Variants in RAB6A observed in about 807,000 individuals in gnomAD.
The protein encoded by RAB6A is RAB6A, member RAS oncogene family, also known as ras-related protein Rab-6A.
In RAB6A, 8 loss-of-function variants were observed where a neutral mutation model predicts 32.3. That is an observed-to-expected ratio of 0.25 (90% confidence interval 0.15 to 0.45). The LOEUF is 0.45. RAB6A is among the 20% of genes least tolerant of loss of function. The pLI is 1.00. For missense variants in RAB6A, 104 were observed against 249.4 expected (o/e 0.42, Z 3.93); for synonymous variants, 73 against 82.1 (o/e 0.89, Z 0.60).
At chr11:73,715,969 T>C (rs919452901) in intron 5 of RAB6A, among the ~76,000 whole-genome samples, 1 of 152,198 alleles carries the variant, frequency 6.6e-6, no homozygotes, top group Non-Finnish European at 1.5e-5. Flanking sequence ...TTCATACTTA[T>C]GAGATCTAAA....
chr11:73,693,834 C>A (rs551458364), intron 6 of RAB6A, among the ~76,000 whole-genome samples: 1 of 150,716 alleles, frequency 6.6e-6, no homozygotes, highest in Non-Finnish European at 1.5e-5. Flanking sequence ...GTTATGATGG[C>A]GCCATTGCAC....
intron 1 of RAB6A, among the ~76,000 whole-genome samples, chr11:73,731,067 T>C (rs1946293760): frequency 6.6e-6 from 1 of 152,222 alleles, no homozygotes; most frequent in African/African-American, 2.4e-5. Context: ...CATTCTGTTA[T>C]TATATACTGA....
At chr11:73,726,178 G>A (rs1385417556) in intron 2 of RAB6A, among the ~76,000 whole-genome samples, 5 of 151,622 alleles carry the variant, frequency 3.3e-5, no homozygotes, top group African/African-American at 7.3e-5. Flanking sequence ...CCAGCTATTC[G>A]GGAGGCTGAG....
chr11:73,676,507 A>G lies in RAB6A; in HGVS notation c.*1391T>C, dbSNP rs1297449280. ...TAAAAAAAAAAAAGGCAAAGAAATA[A>G]ATATCACCAAAGAAAAAAGATTAAT... On this transcript the variant is annotated 3_prime_UTR_variant, in exon 8 of 8. Transcript: ENST00000336083. 6.0e-6 allele frequency: 1 copy of G among 167,044 alleles called. No homozygotes were observed. The highest frequency in any genetic ancestry group is 2.4e-5 in the African/African-American group (1 of 41,448). The allele number at this position is 167,044 out of a possible 1,614,324, so 10.3% of individuals were successfully genotyped here.
intron 6 of RAB6A, among the ~76,000 whole-genome samples, chr11:73,700,985 A>G (rs1945735948): frequency 6.6e-6 from 1 of 152,228 alleles, no homozygotes; most frequent in Non-Finnish European, 1.5e-5. Context: ...AATCATGATT[A>G]GATAATAAAT....
In RAB6A at chr11:73,688,162, A is replaced by G. The variant is rs372375242; in HGVS notation, c.496-8442T>C. Among the ~76,000 whole-genome samples the G allele has an allele frequency of 2.6e-5, 4 of 152,180 alleles. No homozygotes were observed. In the South Asian group the frequency reaches 8.3e-4, roughly 32 times the overall value. ...GAGAGGAGATTCTCTGCAATTATGT[A>G]TATCTCTTATCATTCTTTGTCAAAT... On this transcript the variant is annotated intron_variant, in intron 6 of 7. Coordinates refer to ENST00000336083, the MANE Select transcript of RAB6A (RefSeq NM_198896.2).
intron 5 of RAB6A, 140 bp from the exon 6 acceptor site, chr11:73,707,653 G>T: frequency 1.7e-6 from 1 of 577,854 alleles, no homozygotes; most frequent in Non-Finnish European, 3.0e-6. Flanking sequence ...TCATTAATCT[G>T]CCACACTCTT....
chr11:73,679,575 AATATTC>A (rs1165831541), intron 7 of RAB6A, 73 bp downstream of exon 7: 2 of 1,554,236 alleles, frequency 1.3e-6, no homozygotes, highest in Admixed American at 3.4e-5. Context: ...GCAATGGCAC[AATATTC>A]TTTAGCCAAG....
intron 1 of RAB6A, chr11:73,760,071 A>G (rs1391743069): frequency 2.3e-6 from 3 of 1,289,722 alleles, no homozygotes; most frequent in Non-Finnish European, 3.0e-6. Context: ...AGCACTTCGC[A>G]GGGCCAAGCC....
intron 1 of RAB6A, among the ~76,000 whole-genome samples, chr11:73,737,928 G>A (rs1013642425): frequency 2.4e-4 from 35 of 148,322 alleles, no homozygotes; most frequent in East Asian, 8.1e-4. Flanking sequence ...CCCGGGAGGC[G>A]GAGGTTGCAG....
chr11:73,738,901 G>A (rs1446957659), intron 1 of RAB6A, among the ~76,000 whole-genome samples: 1 of 151,426 alleles, frequency 6.6e-6, no homozygotes, highest in Non-Finnish European at 1.5e-5. Flanking sequence ...CCAAGACTGC[G>A]CCACTGCACT....
intron 1 of RAB6A, among the ~76,000 whole-genome samples, chr11:73,740,646 T>C (rs1946479332): frequency 6.6e-6 from 1 of 151,552 alleles, no homozygotes; most frequent in African/African-American, 2.4e-5. Flanking sequence ...CCCAGCACTT[T>C]GGGAGGCCAA....
At position 73,707,491 on chromosome 11, in the gene RAB6A, C is replaced by T; in HGVS notation, c.424G>A (p.Glu142Lys). ...ACATTCAGCTCTTTGGCTTTCCTCT[C>T]TCCCTCCTCAATTGACACTTGCCTG... is the stretch of plus-strand genomic sequence containing the variant. The part of the protein sequence containing the change: ...DKRQVSIEEG[E>K]RKAKELNVMF... Residue 142 changes from glutamate to lysine, a missense_variant, in exon 6 of 8, where the codon GAG becomes AAG. By Grantham distance (56) the Glu-to-Lys change is moderately conservative. Transcript: ENST00000336083. The T allele has an allele frequency of 6.2e-7, 1 of 1,613,014 alleles. No individual in the cohort carries two copies. Among genetic ancestry groups the T allele is most frequent in the Non-Finnish European group, 8.5e-7 (1 of 1,179,106 alleles).
rs541610538 is a variant in RAB6A at position 73,677,851 on chromosome 11, G to A, written c.*47C>T. 9.9e-6 allele frequency: 16 copies of A among 1,612,286 alleles called. No individual in the cohort carries two copies. In the Admixed American group the frequency reaches 2.7e-4, roughly 27 times the overall value. ...ACTGCAGTCAATGAAAGAGTAAGGGGGCCAAAGCAGTGAGCTTCTGAAGAA... is the reference window on the plus strand; with the variant it reads ...ACTGCAGTCAATGAAAGAGTAAGGGAGCCAAAGCAGTGAGCTTCTGAAGAA... On this transcript the variant is annotated 3_prime_UTR_variant, in exon 8 of 8. Transcript: ENST00000336083.
At position 73,755,847 on chromosome 11, in the gene RAB6A, A is replaced by G. The variant is rs570286502; in HGVS notation, c.70+4719T>C. On this transcript the variant is annotated intron_variant, in intron 1 of 7. Coordinates refer to ENST00000336083, the MANE Select transcript of RAB6A (RefSeq NM_198896.2). ...AAGGGAGAAGGGGGAAGGAAGAGAA[A>G]GAAGAGGAGGAGGAGGAAGAAGAAC... Among the ~76,000 whole-genome samples the G allele has an allele frequency of 1.8e-3, 226 of 124,126 alleles. 4 individuals carry two copies. The highest frequency in any genetic ancestry group is 2.2e-4 in the Non-Finnish European group (12 of 53,410). 81.4% of individuals were successfully genotyped at this position (124,126 alleles called of 152,430 possible).
At chr11:73,723,685 G>A (rs1177134079) in intron 2 of RAB6A, among the ~76,000 whole-genome samples, 1 of 152,120 alleles carries the variant, frequency 6.6e-6, no homozygotes, top group African/African-American at 2.4e-5. Context: ...TGAGAATCCT[G>A]TGGTAAAAGA....
At chr11:73,707,272 C>T (rs1945862141) in intron 6 of RAB6A, 148 bp downstream of exon 6, 1 of 557,770 alleles carries the variant, frequency 1.8e-6, no homozygotes, top group Admixed American at 3.4e-5. Context: ...AAAACTATGC[C>T]ACATTTATAT....
intron 1 of RAB6A, among the ~76,000 whole-genome samples, chr11:73,743,548 G>A (rs888094276): frequency 6.6e-6 from 1 of 151,890 alleles, no homozygotes; most frequent in African/African-American, 2.4e-5. Flanking sequence ...GATCACTTGA[G>A]CCCAGGAGAC....
chr11:73,707,389 T>G (rs777958584), intron 6 of RAB6A, 31 bp downstream of exon 6: 1 of 1,481,520 alleles, frequency 6.7e-7, no homozygotes, highest in Non-Finnish European at 9.4e-7. Flanking sequence ...ATTTCATATT[T>G]TTTCAATTTG....
Sources: gnomAD v4.1 joint callset for allele counts (sites outside exome capture counted in the v4.1 genomes callset) on GRCh38, gnomAD v4.1.1 for gene constraint, MANE v1.5 for transcripts, NCBI Gene and HGNC (gene_info 2026-07-23, HGNC 2026-07-21) for gene names.